Variants in CNNM3 observed in about 807,000 individuals in gnomAD.
The protein encoded by CNNM3 is cyclin and CBS domain divalent metal cation transport mediator 3.
CNNM3 carries 47 observed loss-of-function variants against 57.1 expected under a neutral mutation model. That is an observed-to-expected ratio of 0.82 (90% CI 0.65 to 1.05). The LOEUF (loss-of-function observed/expected upper bound fraction) is 1.05, where lower values mean the gene tolerates loss of function less well. CNNM3 is among the 50% of genes least tolerant of loss of function. The pLI, the probability that CNNM3 is intolerant of heterozygous loss-of-function variation, is 0.00. For missense variants in CNNM3, 957 were observed against 973.7 expected (o/e 0.98, Z 0.23); for synonymous variants, 507 against 478.2 (o/e 1.06, Z -0.79).
At chr2:96,817,578 G>T in intron 1 of CNNM3, 76 bp downstream of exon 1, 1 of 1,444,142 alleles carries the variant, frequency 6.9e-7, no homozygotes, top group Non-Finnish European at 9.5e-7. Flanking sequence ...AGTTATGGAA[G>T]CCTTCTGGAA....
At chr2:96,822,760 C>G (rs1392775025) in intron 1 of CNNM3, among the ~76,000 whole-genome samples, 3 of 152,216 alleles carry the variant, frequency 2.0e-5, no homozygotes, top group Non-Finnish European at 2.9e-5. Context: ...TTCATTCATT[C>G]ACTGAGGTGC....
In CNNM3 at chr2:96,834,317, A is replaced by C. The variant is rs1244931450; in HGVS notation, c.*1701A>C. ...AATCAGAGTCGGCATCAGAGTTTTC[A>C]ATTTTTTATTTATTTATTATTATTA... is the stretch of plus-strand genomic sequence containing the variant. On this transcript the variant is annotated 3_prime_UTR_variant, in exon 8 of 8. Transcript: ENST00000305510. 6.7e-6 allele frequency among the ~76,000 whole-genome samples: 1 copy of C among 148,180 alleles called. No homozygotes were observed. Among genetic ancestry groups the C allele is most frequent in the Non-Finnish European group, 1.5e-5 (1 of 67,734 alleles).
At position 96,825,096 on chromosome 2, in the gene CNNM3, G is replaced by A. The variant is rs775166776; in HGVS notation, c.1264G>A (p.Glu422Lys). ...GGCCATCGTGCAGAAGGTGAACAAC[G>A]AGGGTGAAGGCGACCCCTTCTACGA... ...HLAIVQKVNN[E>K]GEGDPFYEVL... The change falls in exon 2 of 8, where the codon GAG (glutamate) becomes AAG (lysine). Residue 422 changes from glutamate (E) to lysine (K), a missense_variant. Glu to Lys is a moderately conservative substitution (Grantham distance 56). Around this residue, in one of 2 missense-constraint regions of CNNM3, gnomAD observed 491 missense variants for 570.6 expected, o/e 0.86. Coordinates refer to ENST00000305510, the MANE Select transcript of CNNM3 (RefSeq NM_017623.5). The A allele has an allele frequency of 8.1e-6, 13 of 1,613,732 alleles. No individual in the cohort carries two copies. Among genetic ancestry groups the A allele is most frequent in the East Asian group, 2.2e-5 (1 of 44,874 alleles).
chr2:96,830,833 A>G (rs1313161787), intron 7 of CNNM3, among the ~76,000 whole-genome samples: 1 of 152,120 alleles, frequency 6.6e-6, no homozygotes, highest in African/African-American at 2.4e-5. Flanking sequence ...AGGGTTGTTG[A>G]GGCTTCTGTG....
At position 96,828,214 on chromosome 2, in the gene CNNM3, G is replaced by A. The variant is rs1370059004; in HGVS notation, c.1786+19G>A. 7 of 1,587,352 alleles carry A rather than the reference G, an allele frequency of 4.4e-6. No homozygotes were observed. In the African/African-American group the frequency reaches 6.7e-5, roughly 15 times the overall value. On this transcript the variant is annotated intron_variant, in intron 5 of 7. Transcript: ENST00000305510. Reference sequence around the variant, plus strand: ...TCCTCGGGTAAGCCACGGCCCTGCTGATGCTGAGGGCCAGGGTGGAGGCTG... The same window carrying A: ...TCCTCGGGTAAGCCACGGCCCTGCTAATGCTGAGGGCCAGGGTGGAGGCTG...
downstream of CNNM3, among the ~76,000 whole-genome samples, chr2:96,835,707 T>C (rs901206418): frequency 6.6e-6 from 1 of 152,204 alleles, no homozygotes; most frequent in Non-Finnish European, 1.5e-5. Context: ...GACTTCGTGA[T>C]CTGCCCGCCT....
At chr2:96,817,760 C>G (rs951378907) in intron 1 of CNNM3, among the ~76,000 whole-genome samples, 12 of 151,956 alleles carry the variant, frequency 7.9e-5, no homozygotes, top group African/African-American at 2.2e-4. Context: ...GCCCCCCCCC[C>G]CCATTTGCAG....
chr2:96,825,340 A>G (rs2079482805), intron 2 of CNNM3, 139 bp downstream of exon 2: 1 of 1,063,442 alleles, frequency 9.4e-7, no homozygotes, highest in Admixed American at 2.8e-5. Flanking sequence ...TGAGCCCTGC[A>G]TGGGTGCTGG....
Position 96,835,331 on chromosome 2 carries a change from A to G in CNNM3, c.*2715A>G, listed in dbSNP as rs1336249329. ...ATTGGCCCCCTGAAGGACACCTGGG[A>G]TGTTTCCAGTTTGGGGCTATTCCAA... On this transcript the variant is annotated 3_prime_UTR_variant, in exon 8 of 8. Transcript: ENST00000305510. Among the ~76,000 whole-genome samples, 1 of 152,084 alleles carries G rather than the reference A, an allele frequency of 6.6e-6. No individual in the cohort carries two copies. The highest frequency in any genetic ancestry group is 2.4e-5 in the African/African-American group (1 of 41,398).
Position 96,827,711 on chromosome 2 carries a change from C to T in CNNM3, c.1520-20C>T. 4 of 1,605,418 alleles carry T rather than the reference C, an allele frequency of 2.5e-6. No homozygotes were observed. ...CACTAGGCCCCAGTGGACACTGTCC[C>T]TTTTTTCCACCACGTGCAGAAGTGG... is the stretch of plus-strand genomic sequence containing the variant. On this transcript the variant is annotated intron_variant, in intron 3 of 7. Coordinates refer to ENST00000305510, the MANE Select transcript of CNNM3 (RefSeq NM_017623.5).
rs1415226346 is a variant in CNNM3 at position 96,832,989 on chromosome 2, A to T, written c.*373A>T. ...GCTGAGCCACCTTGTGAGTGCAGTTACTGCCTTTGTGTGGCCGTGACCTCT... is the reference window on the plus strand; with the variant it reads ...GCTGAGCCACCTTGTGAGTGCAGTTTCTGCCTTTGTGTGGCCGTGACCTCT... On this transcript the variant is annotated 3_prime_UTR_variant, in exon 8 of 8. Coordinates refer to ENST00000305510, the MANE Select transcript of CNNM3 (RefSeq NM_017623.5). The T allele has an allele frequency of 1.5e-6, 2 of 1,339,928 alleles. No homozygotes were observed. Among genetic ancestry groups the T allele is most frequent in the Admixed American group, 4.5e-5 (2 of 44,934 alleles). The allele number at this position is 1,339,928 out of a possible 1,614,324, so 83.0% of individuals were successfully genotyped here. A position where few individuals can be genotyped will look rare whatever the true frequency, so the allele number is the denominator to read the frequency against.
At chr2:96,821,104 T>G (rs1017731462) in intron 1 of CNNM3, among the ~76,000 whole-genome samples, 1 of 151,998 alleles carries the variant, frequency 6.6e-6, no homozygotes, top group Non-Finnish European at 1.5e-5. Flanking sequence ...AATGGGGAGC[T>G]CTTTAATCCC....
rs1321229726 is a variant in CNNM3, at chr2:96,834,692, T to TAACA, written c.*2077_*2080dup. On this transcript the variant is annotated 3_prime_UTR_variant, in exon 8 of 8. Transcript: ENST00000305510. Reference sequence around the variant, plus strand: ...CCTTTCACCCAGGTTCCCCTAATGTTAACAGCTTACATATAACCTTGGTAC... The same window carrying TAACA: ...CCTTTCACCCAGGTTCCCCTAATGTTAACAAACAGCTTACATATAACCTTGGTAC... Among the ~76,000 whole-genome samples the TAACA allele has an allele frequency of 6.6e-6, 1 of 152,168 alleles. No individual in the cohort carries two copies. Among genetic ancestry groups the TAACA allele is most frequent in the East Asian group, 1.9e-4 (1 of 5,190 alleles).
chr2:96,834,922 C>T lies in CNNM3; in HGVS notation c.*2306C>T, dbSNP rs1019292466. On this transcript the variant is annotated 3_prime_UTR_variant, in exon 8 of 8. Coordinates refer to ENST00000305510, the MANE Select transcript of CNNM3 (RefSeq NM_017623.5). Reference sequence around the variant, plus strand: ...TGTAAAGGTAAGGGCCCCACGCACCCTTCATCTAGTTTCCCTCCATGGTTA... The same window carrying T: ...TGTAAAGGTAAGGGCCCCACGCACCTTTCATCTAGTTTCCCTCCATGGTTA... 1.2e-4 allele frequency among the ~76,000 whole-genome samples: 18 copies of T among 152,168 alleles called. No homozygotes were observed. Among genetic ancestry groups the T allele is most frequent in the Non-Finnish European group, 1.9e-4 (13 of 68,040 alleles).
intron 6 of CNNM3, 72 bp from the exon 7 acceptor site, chr2:96,828,924 G>A: frequency 6.3e-7 from 1 of 1,591,848 alleles, no homozygotes; most frequent in Non-Finnish European, 8.6e-7. Flanking sequence ...TTCGGGCACG[G>A]TGTCACCTTT....
At position 96,816,559 on chromosome 2, in the gene CNNM3, G is replaced by A; in HGVS notation, c.282G>A (p.Ala94=). Residue 94 remains alanine (A), a synonymous_variant, in exon 1 of 8, where the codon GCG becomes GCA. Transcript: ENST00000305510. ...AGCREEAASP[A]GEWRALLRLR... Reference sequence around the variant, plus strand: ...GCCGGGAGGAGGCGGCCTCCCCCGCGGGCGAGTGGCGCGCGCTGCTGCGCT... The same window carrying A: ...GCCGGGAGGAGGCGGCCTCCCCCGCAGGCGAGTGGCGCGCGCTGCTGCGCT... The A allele has an allele frequency of 7.6e-7, 1 of 1,314,152 alleles. No homozygotes were observed. Among genetic ancestry groups the A allele is most frequent in the Non-Finnish European group, 9.7e-7 (1 of 1,035,342 alleles). The allele number at this position is 1,314,152 out of a possible 1,614,324, so 81.4% of individuals were successfully genotyped here.
At position 96,828,813 on chromosome 2, in the gene CNNM3, A is replaced by G. The variant is rs2079554530; in HGVS notation, c.1920+113A>G. 3 of 1,503,902 alleles carry G rather than the reference A, an allele frequency of 2.0e-6. No individual in the cohort carries two copies. In the Admixed American group the frequency reaches 5.4e-5, roughly 27 times the overall value. 93.2% of individuals were successfully genotyped at this position (1,503,902 alleles called of 1,614,324 possible). A position where few individuals can be genotyped will look rare whatever the true frequency, so the allele number is the denominator to read the frequency against. Reference sequence around the variant, plus strand: ...CAAGGCCTTCCACTCATCCTGAGGGACACAGACCTTTGCACCCAGTTTCCA... The same window carrying G: ...CAAGGCCTTCCACTCATCCTGAGGGGCACAGACCTTTGCACCCAGTTTCCA... On this transcript the variant is annotated intron_variant, in intron 6 of 7. Coordinates refer to ENST00000305510, the MANE Select transcript of CNNM3 (RefSeq NM_017623.5).
chr2:96,818,645 T>C, intron 1 of CNNM3, among the ~76,000 whole-genome samples: 1 of 152,208 alleles, frequency 6.6e-6, no homozygotes, highest in East Asian at 1.9e-4. Context: ...AGTTCGGAGA[T>C]TGAAGGTAAA....
chr2:96,817,019 A>ACGCTGG lies in CNNM3; in HGVS notation c.752_757dup (p.Leu251_Ala252dup). 1.2e-5 allele frequency: 17 copies of ACGCTGG among 1,368,326 alleles called. No individual in the cohort carries two copies. The highest frequency in any genetic ancestry group is 2.7e-4 in the Middle Eastern group (1 of 3,680). 84.8% of individuals were successfully genotyped at this position (1,368,326 alleles called of 1,614,324 possible). Reference sequence around the variant, plus strand: ...GCCGGCCGCCGTGAGCGGGCGCTGGACGCTGGCGCTGGCGCCGCGAGCGCT... The same window carrying ACGCTGG: ...GCCGGCCGCCGTGAGCGGGCGCTGGACGCTGGCGCTGGCGCTGGCGCCGCGAGCGCT... On this transcript the variant is annotated inframe_insertion, in exon 1 of 8. Transcript: ENST00000305510.
Sources: allele counts gnomAD v4.1 joint callset (sites outside exome capture counted in the v4.1 genomes callset), GRCh38; gene constraint gnomAD v4.1.1; regional missense constraint gnomAD v4.1.1; transcripts MANE v1.5; gene names NCBI Gene and HGNC (gene_info 2026-07-23, HGNC 2026-07-21).